The following TRAK1 variants were observed in gnomAD, a reference collection of about 807,000 sequenced individuals.
TRAK1 encodes trafficking kinesin-binding protein 1.
A neutral mutation model predicts 92.1 loss-of-function variants in TRAK1; 33 were observed. That is an observed-to-expected ratio of 0.36 (90% CI 0.27 to 0.48). The LOEUF (loss-of-function observed/expected upper bound fraction) is 0.48. Ranked by LOEUF, TRAK1 falls within the 20% of genes least tolerant of loss-of-function variation. The probability of loss-of-function intolerance (pLI) is 0.99; values close to 1 mark genes in which losing one functional copy is unlikely to be tolerated. For missense variants in TRAK1, 1,123 were observed against 1,257.9 expected (o/e 0.89, Z 1.62); for synonymous variants, 521 against 517.3 (o/e 1.01, Z -0.10).
At chr3:42,136,869 G>A (rs1698026195) in intron 2 of TRAK1, among the ~76,000 whole-genome samples, 1 of 152,074 alleles carries the variant, frequency 6.6e-6, no homozygotes, top group Admixed American at 6.5e-5. Context: ...TTTTAGTAAA[G>A]ACAGGGTTTC....
chr3:42,135,029 C>G (rs1697764675), intron 2 of TRAK1, among the ~76,000 whole-genome samples: 2 of 152,294 alleles, frequency 1.3e-5, no homozygotes, highest in Admixed American at 1.3e-4. Flanking sequence ...CAGGAGCCAC[C>G]ATGCCTGGCT....
chr3:42,053,854 T>C, intron 1 of TRAK1, among the ~76,000 whole-genome samples: 1 of 152,188 alleles, frequency 6.6e-6, no homozygotes, highest in East Asian at 1.9e-4. Context: ...CCCACACAAT[T>C]GGGACCAAAA....
At chr3:42,195,078 A>G in intron 10 of TRAK1, 137 bp downstream of exon 10, 1 of 1,078,012 alleles carries the variant, frequency 9.3e-7, no homozygotes, top group Non-Finnish European at 1.3e-6. Flanking sequence ...AGTCTGAATC[A>G]AGGACACTTG....
chr3:42,215,073 C>T (rs747454747), intron 14 of TRAK1, among the ~76,000 whole-genome samples: 1 of 152,182 alleles, frequency 6.6e-6, no homozygotes, highest in African/African-American at 2.4e-5. Context: ...AATGATGACT[C>T]GTAGGGCAAA....
At chr3:42,141,994 G>A (rs1698721945) in intron 2 of TRAK1, among the ~76,000 whole-genome samples, 2 of 152,072 alleles carry the variant, frequency 1.3e-5, no homozygotes, top group South Asian at 2.1e-4. Context: ...AAAATTAGCC[G>A]GGCATGGTGG....
At chr3:42,119,667 C>G (rs1217494703) in intron 1 of TRAK1, among the ~76,000 whole-genome samples, 1 of 152,228 alleles carries the variant, frequency 6.6e-6, no homozygotes, top group African/African-American at 2.4e-5. Context: ...CAGGCCAACT[C>G]TGCAACTGGA....
In TRAK1 at chr3:42,091,419, C is replaced by G; in HGVS notation, c.-51C>G. On this transcript the variant is annotated 5_prime_UTR_variant, in exon 1 of 16. Transcript: ENST00000327628. ...CGAGGTACTGCCGGGGCTGAGCTCTCATGGAGGCTCTCTCTGTTCTCTGAA... is the reference window on the plus strand; with the variant it reads ...CGAGGTACTGCCGGGGCTGAGCTCTGATGGAGGCTCTCTCTGTTCTCTGAA... The G allele has an allele frequency of 6.4e-7, 1 of 1,567,412 alleles. No individual in the cohort carries two copies. Among genetic ancestry groups the G allele is most frequent in the South Asian group, 1.1e-5 (1 of 88,738 alleles).
intron 1 of TRAK1, among the ~76,000 whole-genome samples, chr3:42,023,827 C>G (rs1161937754): frequency 7.2e-6 from 1 of 139,202 alleles, no homozygotes; most frequent in Admixed American, 7.9e-5. Flanking sequence ...AGTCTTGGCT[C>G]ACTGCAGCCT....
chr3:42,129,313 G>T (rs980297680), intron 2 of TRAK1, among the ~76,000 whole-genome samples: 1 of 152,092 alleles, frequency 6.6e-6, no homozygotes, highest in Non-Finnish European at 1.5e-5. Context: ...GCGGGCATGG[G>T]GATAAGGAGC....
intron 1 of TRAK1, among the ~76,000 whole-genome samples, chr3:42,096,042 G>A (rs1332189777): frequency 6.6e-6 from 1 of 152,180 alleles, no homozygotes; most frequent in Non-Finnish European, 1.5e-5. Flanking sequence ...AGTCCCCAAA[G>A]CTGGGAGAAA....
chr3:42,151,992 A>G (rs1700011850), intron 2 of TRAK1, among the ~76,000 whole-genome samples: 2 of 152,232 alleles, frequency 1.3e-5, no homozygotes, highest in Non-Finnish European at 2.9e-5. Flanking sequence ...TTGCAGTGTT[A>G]GCACTGAAAA....
chr3:42,027,574 A>G (rs977915309), intron 1 of TRAK1, among the ~76,000 whole-genome samples: 4 of 152,164 alleles, frequency 2.6e-5, no homozygotes, highest in African/African-American at 9.7e-5. Context: ...CTTCAAAATA[A>G]AGTAAATATA....
intron 1 of TRAK1, among the ~76,000 whole-genome samples, chr3:42,047,258 T>A (rs551444314): frequency 4.2e-4 from 63 of 149,602 alleles, no homozygotes; most frequent in African/African-American, 1.5e-3. Context: ...TGTAGTGGCA[T>A]GATCATAGCT....
intron 4 of TRAK1, 120 bp downstream of exon 4, chr3:42,184,921 C>A: frequency 2.1e-6 from 2 of 957,444 alleles, no homozygotes; most frequent in Non-Finnish European, 3.2e-6. Flanking sequence ...GAGGGCACGA[C>A]CGCGGCCTGA....
intron 2 of TRAK1, among the ~76,000 whole-genome samples, chr3:42,155,931 C>T (rs778401931): frequency 2.6e-5 from 4 of 152,156 alleles, no homozygotes; most frequent in Non-Finnish European, 4.4e-5. Flanking sequence ...GAATGATGTG[C>T]CTCCGCCCTG....
chr3:42,048,738 AT>A (rs1702862427), intron 1 of TRAK1, among the ~76,000 whole-genome samples: 1 of 151,558 alleles, frequency 6.6e-6, no homozygotes, highest in Non-Finnish European at 1.5e-5. Context: ...CAATTTTTGT[AT>A]TTTTAGTAGA....
intron 1 of TRAK1, among the ~76,000 whole-genome samples, chr3:42,104,705 T>C (rs1184985306): frequency 6.6e-6 from 1 of 152,096 alleles, no homozygotes; most frequent in African/African-American, 2.4e-5. Context: ...GTCACCATCA[T>C]CAAAGACCAA....
intron 2 of TRAK1, among the ~76,000 whole-genome samples, chr3:42,168,934 C>G (rs568821632): frequency 6.6e-6 from 1 of 152,318 alleles, no homozygotes; most frequent in African/African-American, 2.4e-5. Context: ...AGCGATTCTC[C>G]TGCGTCAGCC....
intron 1 of TRAK1, among the ~76,000 whole-genome samples, chr3:42,107,694 C>G (rs1707779333): frequency 6.6e-6 from 1 of 151,896 alleles, no homozygotes; most frequent in Non-Finnish European, 1.5e-5. Flanking sequence ...AGCCTGTAAC[C>G]TCTTGGTCTG....
Sources: gnomAD v4.1 joint callset for allele counts (sites outside exome capture counted in the v4.1 genomes callset) on GRCh38, gnomAD v4.1.1 for gene constraint, MANE v1.5 for transcripts, NCBI Gene and HGNC (gene_info 2026-07-23, HGNC 2026-07-21) for gene names.